ZNF511: variants seen among roughly 807,000 people sequenced by gnomAD.
The protein encoded by ZNF511 is zinc finger protein 511.
ZNF511 carries 26 observed loss-of-function variants against 24.8 expected under a neutral mutation model. The ratio of observed to expected loss-of-function variants is 1.05; its 90% CI spans 0.77 to 1.46. The LOEUF (loss-of-function observed/expected upper bound fraction) is 1.46, where lower values mean the gene tolerates loss of function less well. Among genes scored for constraint, ZNF511 ranks in the 40% most tolerant of loss-of-function variants. The pLI is 0.00. For missense variants in ZNF511, 358 were observed against 345.0 expected, an observed-to-expected ratio of 1.04 and a Z score of -0.30; for synonymous variants, 144 against 139.6, an observed-to-expected ratio of 1.03 and a Z score of -0.22.
At chr10:133,312,694 GA>G in intron 5 of ZNF511, 93 bp from the exon 6 acceptor site, 1 of 1,598,236 alleles carries the variant, frequency 6.3e-7, no homozygotes, top group Non-Finnish European at 8.5e-7. Context: ...TTCCCAGAGT[GA>G]AAGAGAATGA....
intron 1 of ZNF511, 131 bp downstream of exon 1, chr10:133,309,227 C>T: frequency 1.0e-6 from 1 of 987,384 alleles, no homozygotes; most frequent in South Asian, 2.0e-5. Context: ...ACAGGCGGGA[C>T]CTGAGGTGGT....
chr10:133,310,976 A>G (rs1847978504), intron 4 of ZNF511, among the ~76,000 whole-genome samples: 1 of 151,750 alleles, frequency 6.6e-6, no homozygotes, highest in Non-Finnish European at 1.5e-5. Flanking sequence ...AAAATTTTCT[A>G]TTTTTTGTAG....
chr10:133,312,085 C>G (rs893058020), intron 5 of ZNF511: 1 of 1,456,662 alleles, frequency 6.9e-7, no homozygotes, highest in African/African-American at 1.4e-5. Flanking sequence ...ACTCACTTTT[C>G]CTCATTGTCT....
chr10:133,309,413 C>G lies in ZNF511; in HGVS notation c.177C>G (p.Leu59=), dbSNP rs948862831. 1.2e-6 allele frequency: 2 copies of G among 1,612,258 alleles called. No individual in the cohort carries two copies. Among genetic ancestry groups the G allele is most frequent in the East Asian group, 2.2e-5 (1 of 44,846 alleles). ...AGGATGGGGACGTGCAGCGCCACCT[C>G]TACCTCCAGGACGTGATCATGCAGG... ...FFEDGDVQRH[L]YLQDVIMQVA... The change falls in exon 2 of 6, where the codon CTC becomes CTG. Residue 59 remains leucine, a synonymous_variant. Coordinates refer to ENST00000361518, the MANE Select transcript of ZNF511 (RefSeq NM_145806.4).
intron 1 of ZNF511, 71 bp downstream of exon 1, chr10:133,309,167 A>C: frequency 7.3e-7 from 1 of 1,372,188 alleles, no homozygotes; most frequent in Non-Finnish European, 9.5e-7. Context: ...GCGGGGCCGG[A>C]GCCTGGAGTG....
intron 5 of ZNF511, chr10:133,312,582 G>T: frequency 6.9e-7 from 1 of 1,456,746 alleles, no homozygotes; most frequent in Non-Finnish European, 9.0e-7. Flanking sequence ...CCCAGCGGGT[G>T]TGCGTTGGTG....
chr10:133,312,552 G>A lies in ZNF511; in HGVS notation c.681-236G>A, dbSNP rs150257965. 1.0e-3 allele frequency: 1,426 copies of A among 1,397,530 alleles called. 52 individuals carry two copies. The East Asian group carries it at 0.036, about 35-fold the overall frequency. 86.6% of individuals were successfully genotyped at this position (1,397,530 alleles called of 1,614,324 possible). Reference sequence around the variant, plus strand: ...AGCCCCAGAGGGCTTGGCAGGAGCCGCCCTCTCTGCGGAGTTCTTCCCAGC... The same window carrying A: ...AGCCCCAGAGGGCTTGGCAGGAGCCACCCTCTCTGCGGAGTTCTTCCCAGC... On this transcript the variant is annotated intron_variant, in intron 5 of 5. Coordinates refer to ENST00000361518, the MANE Select transcript of ZNF511 (RefSeq NM_145806.4).
At chr10:133,312,746 T>C (rs764604505) in intron 5 of ZNF511, 42 bp from the exon 6 acceptor site, 19 of 1,613,928 alleles carry the variant, frequency 1.2e-5, no homozygotes, top group Non-Finnish European at 1.6e-5. Flanking sequence ...GGGTTGTTGG[T>C]TGGCAAATAC....
At position 133,309,893 on chromosome 10, in the gene ZNF511, C is replaced by T. The variant is rs746441236; in HGVS notation, c.345C>T (p.Ala115=). 7.4e-6 allele frequency: 12 copies of T among 1,613,644 alleles called. No homozygotes were observed. In the Middle Eastern group the frequency reaches 6.6e-4, roughly 88 times the overall value. The change falls in exon 3 of 6, where the codon GCC becomes GCT. Residue 115 remains alanine, a synonymous_variant. Transcript: ENST00000361518. The part of the protein sequence containing the change: ...HGNVCSFCKR[A]FPSGHLLDAH... ...ATGTTTGCTCCTTTTGCAAGCGGGC[C>T]TTCCCTTCCGGACACCTGCTGGACG...
chr10:133,309,650 A>T (rs1847941710), intron 2 of ZNF511, 126 bp from the exon 3 acceptor site: 3 of 1,313,746 alleles, frequency 2.3e-6, no homozygotes, highest in Non-Finnish European at 3.2e-6. Flanking sequence ...ATTCATAAAA[A>T]GAGGGTTTGG....
intron 5 of ZNF511, chr10:133,312,234 C>A (rs983821483): frequency 7.6e-7 from 1 of 1,316,148 alleles, no homozygotes; most frequent in Non-Finnish European, 9.7e-7. Flanking sequence ...TGCCGTCTGC[C>A]TTCCTAGCAT....
Position 133,312,793 on chromosome 10 carries a change from C to G in ZNF511, c.686C>G (p.Pro229Arg). Residue 229 changes from proline (P) to arginine (R), a missense_variant, in exon 6 of 6, where the codon CCC becomes CGC. By Grantham distance (103) the Pro-to-Arg change is moderately radical. Transcript: ENST00000361518. ...GAAACTTTCTTCCATCCCAGAATAC[C>G]CTCTACCATCTGCTTTGGTCAGGGT... ...GERRIYRHRI[P>R]STICFGQGAA... The G allele has an allele frequency of 6.2e-7, 1 of 1,614,232 alleles. No individual in the cohort carries two copies. The highest frequency in any genetic ancestry group is 8.5e-7 in the Non-Finnish European group (1 of 1,180,042).
At chr10:133,309,196 G>C in intron 1 of ZNF511, 100 bp downstream of exon 1, 5 of 1,374,060 alleles carry the variant, frequency 3.6e-6, no homozygotes, top group Non-Finnish European at 4.8e-6. Context: ...CTACGACTGC[G>C]GGGCGGGGCC....
intron 4 of ZNF511, among the ~76,000 whole-genome samples, chr10:133,311,403 A>G (rs929430165): frequency 6.6e-6 from 1 of 152,222 alleles, no homozygotes; most frequent in Non-Finnish European, 1.5e-5. Context: ...GGTTAACTTT[A>G]GCAAATTTCT....
In ZNF511 at chr10:133,312,871, C is replaced by T. The variant is rs372169477; in HGVS notation, c.*5C>T. ...AAGAAAACCAAACAATGCTGATAGA[C>T]TCAGAAAAGGAGTGGGGGGCAGTCA... On this transcript the variant is annotated 3_prime_UTR_variant, in exon 6 of 6. Transcript: ENST00000361518. 6 of 1,614,040 alleles carry T rather than the reference C, an allele frequency of 3.7e-6. No homozygotes were observed. The African/African-American group carries it at 6.7e-5, about 18-fold the overall frequency.
At chr10:133,312,742 T>C (rs1848019052) in intron 5 of ZNF511, 46 bp from the exon 6 acceptor site, 1 of 1,613,936 alleles carries the variant, frequency 6.2e-7, no homozygotes, top group East Asian at 2.2e-5. Flanking sequence ...ACCTGGGTTG[T>C]TGGTTGGCAA....
intron 4 of ZNF511, chr10:133,310,537 G>C (rs1291507109): frequency 1.9e-6 from 1 of 533,380 alleles, no homozygotes; most frequent in African/African-American, 1.9e-5. Context: ...AGCAGAGGGG[G>C]TGTGGGAATG....
In ZNF511 at chr10:133,310,403, G is replaced by T. The variant is rs527962338; in HGVS notation, c.554+115G>T. 2.4e-4 allele frequency: 321 copies of T among 1,329,488 alleles called. 1 individual carries two copies. The highest frequency in any genetic ancestry group is 3.1e-4 in the Non-Finnish European group (303 of 968,600). The allele number at this position is 1,329,488 out of a possible 1,614,324, so 82.4% of individuals were successfully genotyped here. A position where few individuals can be genotyped will look rare whatever the true frequency, so the allele number is the denominator to read the frequency against. ...TAAGCACTTGTGTGTCACCTAATGGGGTGTTCACCTGCAGGTACCTGAAGC... is the reference window on the plus strand; with the variant it reads ...TAAGCACTTGTGTGTCACCTAATGGTGTGTTCACCTGCAGGTACCTGAAGC... On this transcript the variant is annotated intron_variant, in intron 4 of 5. Transcript: ENST00000361518.
In ZNF511 at chr10:133,311,682, T is replaced by C. The variant is rs111577243; in HGVS notation, c.555-34T>C. The C allele has an allele frequency of 1.4e-3, 2,227 of 1,580,860 alleles. 21 individuals carry two copies. In the African/African-American group the frequency reaches 0.014, roughly 10 times the overall value. ...GGGAACACAGGGGCTGTGGGAGCCG[T>C]GCAGGGCAGTTACTCACTGCTCTCT... On this transcript the variant is annotated intron_variant, in intron 4 of 5. Coordinates refer to ENST00000361518, the MANE Select transcript of ZNF511 (RefSeq NM_145806.4).
Sources: gnomAD v4.1 joint callset for allele counts (sites outside exome capture counted in the v4.1 genomes callset) on GRCh38, gnomAD v4.1.1 for gene constraint, MANE v1.5 for transcripts, NCBI Gene and HGNC (gene_info 2026-07-23, HGNC 2026-07-21) for gene names.